CRNKL1: variants seen among roughly 807,000 people sequenced by gnomAD.
CRNKL1 encodes crooked neck pre-mRNA splicing factor 1, also known as crooked neck-like protein 1.
Under a neutral mutation model 103.7 loss-of-function variants are expected in CRNKL1, and 35 were observed. The observed-to-expected ratio is 0.34, with a 90% CI of 0.26 to 0.45. The LOEUF is 0.45. CRNKL1 is among the 20% of genes least tolerant of loss of function. The pLI, the probability that CRNKL1 is intolerant of heterozygous loss-of-function variation, is 1.00. For missense variants in CRNKL1, 645 were observed against 836.0 expected (o/e 0.77, Z 2.82); for synonymous variants, 267 against 282.6 (o/e 0.94, Z 0.55).
intron 7 of CRNKL1, 45 bp downstream of exon 7, chr20:20,043,447 C>G: frequency 6.3e-7 from 1 of 1,578,948 alleles, no homozygotes; most frequent in Non-Finnish European, 8.7e-7. Context: ...TTGATGAGCA[C>G]ATCTTGGGTT....
Position 20,049,244 on chromosome 20 carries a change from A to G in CRNKL1, c.296+96T>C, listed in dbSNP as rs541032846. 509 of 749,862 alleles carry G rather than the reference A, an allele frequency of 6.8e-4. 3 individuals are homozygous for G. In the African/African-American group the frequency reaches 8.4e-3, roughly 12 times the overall value. 46.5% of individuals were successfully genotyped at this position (749,862 alleles called of 1,614,324 possible). On this transcript the variant is annotated intron_variant, in intron 3 of 13. Coordinates refer to ENST00000536226, the MANE Select transcript of CRNKL1 (RefSeq NM_001278628.2). ...GTTGAAAATTTCTACCCGAGGCACA[A>G]TCTTTTACCTGTGCTTTAACTTTTT...
At chr20:20,054,537 C>T (rs891761015), upstream of CRNKL1, among the ~76,000 whole-genome samples, 9 of 152,214 alleles carry the variant, frequency 5.9e-5, no homozygotes, top group African/African-American at 1.9e-4. Context: ...AGTCAACTTT[C>T]AGTGTATGTA....
Position 20,037,362 on chromosome 20 carries a change from C to G in CRNKL1, c.1857G>C (p.Glu619Asp). Residue 619 changes from glutamate to aspartate, a missense_variant, in exon 13 of 14, where the codon GAG becomes GAC. Glu to Asp is a conservative substitution (Grantham distance 45). Coordinates refer to ENST00000536226, the MANE Select transcript of CRNKL1 (RefSeq NM_001278628.2). ...GGACCTTTCTTCTCTTCTTGACTTT[C>G]TCTGGCATGAGTTTGTCTACTCTCT... Reference protein sequence around the residue: ...DKERVDKLMPEKVKKRRKVQT... With the variant: ...DKERVDKLMPDKVKKRRKVQT... The G allele has an allele frequency of 6.2e-7, 1 of 1,614,134 alleles. No homozygotes were observed. The highest frequency in any genetic ancestry group is 8.5e-7 in the Non-Finnish European group (1 of 1,180,020).
chr20:20,038,592 GATAA>G (rs2043460695), intron 11 of CRNKL1, 142 bp from the exon 12 acceptor site: 1 of 550,378 alleles, frequency 1.8e-6, no homozygotes, highest in South Asian at 2.5e-5. Context: ...ATGTGGATAA[GATAA>G]ATAACATTGG....
intron 9 of CRNKL1, among the ~76,000 whole-genome samples, chr20:20,041,344 C>A (rs1326619665): frequency 1.3e-5 from 2 of 152,222 alleles, no homozygotes; most frequent in East Asian, 1.9e-4. Context: ...CATTACCTAG[C>A]CTTCTCTGAA....
chr20:20,043,780 C>T, intron 6 of CRNKL1, 118 bp from the exon 7 acceptor site: 1 of 896,128 alleles, frequency 1.1e-6, no homozygotes. Context: ...CTCATAATAT[C>T]CAGAGTAAGA....
At chr20:20,052,671 C>T (rs557483220), upstream of CRNKL1, 5 of 1,613,230 alleles carry the variant, frequency 3.1e-6, no homozygotes, top group South Asian at 3.3e-5. Flanking sequence ...GGTCAGCCTC[C>T]GGAACTGGGA....
chr20:20,054,009 G>GTTTTTTT (rs1491456523), upstream of CRNKL1, among the ~76,000 whole-genome samples: 1 of 88,850 alleles, frequency 1.1e-5, no homozygotes. Context: ...TGTTTTTTTT[G>GTTTTTTT]TTTGTTTTTT....
intron 8 of CRNKL1, among the ~76,000 whole-genome samples, 169 bp from the exon 9 acceptor site, chr20:20,041,794 T>C (rs908426452): frequency 2.6e-5 from 4 of 152,234 alleles, no homozygotes; most frequent in Non-Finnish European, 5.9e-5. Flanking sequence ...TGAACGGCCA[T>C]GAAACTTCAG....
At chr20:20,040,249 T>A (rs749060246) in intron 10 of CRNKL1, among the ~76,000 whole-genome samples, 1 of 149,896 alleles carries the variant, frequency 6.7e-6, no homozygotes, top group Non-Finnish European at 1.5e-5. Flanking sequence ...GAGGCAGAGG[T>A]TGCAGTGAGC....
intron 2 of CRNKL1, 40 bp downstream of exon 2, chr20:20,050,430 C>T (rs750376344): frequency 6.3e-7 from 1 of 1,590,964 alleles, no homozygotes; most frequent in Non-Finnish European, 8.6e-7. Flanking sequence ...CCGATACAGT[C>T]TTAACAATTA....
intron 11 of CRNKL1, 142 bp from the exon 12 acceptor site, chr20:20,038,592 G>C (rs1201741302): frequency 1.8e-6 from 1 of 550,378 alleles, no homozygotes; most frequent in Non-Finnish European, 3.2e-6. Context: ...ATGTGGATAA[G>C]ATAAATAACA....
In CRNKL1 at chr20:20,043,578, T is replaced by C. The variant is rs201121134; in HGVS notation, c.886A>G (p.Ile296Val). 1.9e-6 allele frequency: 3 copies of C among 1,613,972 alleles called. No homozygotes were observed. Among genetic ancestry groups the C allele is most frequent in the African/African-American group, 1.3e-5 (1 of 74,902 alleles). Residue 296 changes from isoleucine (I) to valine (V), a missense_variant, in exon 7 of 14, where the codon ATC (isoleucine) becomes GTC (valine). Around this residue, in one of 2 missense-constraint regions of CRNKL1, gnomAD observed 582 missense variants for 707.7 expected, o/e 0.82. Transcript: ENST00000536226. ...CTATCACCAAACTTCTTCTCAAAGA[T>C]GGTATAATTTTTAAAGAGTTCTTGG... ...DAQELFKNYT[I>V]FEKKFGDRRG...
chr20:20,054,245 T>C (rs1312766459), upstream of CRNKL1, among the ~76,000 whole-genome samples: 1 of 152,014 alleles, frequency 6.6e-6, no homozygotes, highest in African/African-American at 2.4e-5. Flanking sequence ...TTATCTTCAT[T>C]TTAAAGTGAT....
Position 20,052,365 on chromosome 20 carries a change from A to C in CRNKL1, c.-23T>G. On this transcript the variant is annotated 5_prime_UTR_variant, in exon 1 of 14. Transcript: ENST00000536226. ...CATGTCTGCAGCAGTCGACCTCTGGACACCTGTCCCCGGCACGGACGCTAG... is the reference window on the plus strand; with the variant it reads ...CATGTCTGCAGCAGTCGACCTCTGGCCACCTGTCCCCGGCACGGACGCTAG... 1 of 1,614,106 alleles carries C rather than the reference A, an allele frequency of 6.2e-7. No individual in the cohort carries two copies. The highest frequency in any genetic ancestry group is 8.5e-7 in the Non-Finnish European group (1 of 1,180,014).
chr20:20,042,587 A>G (rs2043533249), intron 7 of CRNKL1, 71 bp from the exon 8 acceptor site: 3 of 1,386,532 alleles, frequency 2.2e-6, no homozygotes, highest in Non-Finnish European at 2.9e-6. Flanking sequence ...AAGCAAGCTG[A>G]AAAAAGGCAT....
In CRNKL1 at chr20:20,049,210, G is replaced by A. The variant is rs956324592; in HGVS notation, c.296+130C>T. On this transcript the variant is annotated intron_variant, in intron 3 of 13. Transcript: ENST00000536226. ...CCTCAAGGGAACCCTAGGGTTCCAT[G>A]GAACCAAAGTTGAAAATTTCTACCC... 443 of 241,616 alleles carry A rather than the reference G, an allele frequency of 1.8e-3. 1 individual carries two copies. The highest frequency in any genetic ancestry group is 3.4e-3 in the Non-Finnish European group (383 of 112,146). 15.0% of individuals were successfully genotyped at this position (241,616 alleles called of 1,614,324 possible). A position where few individuals can be genotyped will look rare whatever the true frequency, so the allele number is the denominator to read the frequency against.
intron 12 of CRNKL1, among the ~76,000 whole-genome samples, chr20:20,037,870 C>T (rs148539671): frequency 1.1e-3 from 167 of 152,212 alleles, no homozygotes; most frequent in African/African-American, 3.9e-3. Flanking sequence ...GGGCAGATCA[C>T]GAGGTCAAGA....
At position 20,042,420 on chromosome 20, in the gene CRNKL1, T is replaced by A; in HGVS notation, c.1069A>T (p.Ile357Phe). The change falls in exon 8 of 14, where the codon ATT (isoleucine) becomes TTT (phenylalanine). Residue 357 changes from isoleucine to phenylalanine, a missense_variant. Ile to Phe is a conservative substitution (Grantham distance 21, BLOSUM62 0). Coordinates refer to ENST00000536226, the MANE Select transcript of CRNKL1 (RefSeq NM_001278628.2). ...TCCTGAATGGGTGGGACATTGGCAA[T>A]GGCCCTTTCATAGACTTCTCTCACG... ...EAVREVYERAIANVPPIQEKR... is the reference protein window; with the variant it reads ...EAVREVYERAFANVPPIQEKR... The A allele has an allele frequency of 6.2e-7, 1 of 1,614,202 alleles. No homozygotes were observed. Among genetic ancestry groups the A allele is most frequent in the Non-Finnish European group, 8.5e-7 (1 of 1,180,034 alleles).
Sources: gnomAD v4.1 joint callset for allele counts (sites outside exome capture counted in the v4.1 genomes callset) on GRCh38, gnomAD v4.1.1 for gene constraint, gnomAD v4.1.1 regional missense constraint, MANE v1.5 for transcripts, NCBI Gene and HGNC (gene_info 2026-07-23, HGNC 2026-07-21) for gene names.